The following TUNAR variants were observed in gnomAD, a reference collection of about 807,000 sequenced individuals.
The protein encoded by TUNAR is protein TUNAR.
chr14:95,924,726 G>A (rs932433630), exon 3 of TUNAR: 6 of 152,270 alleles, frequency 3.9e-5, no homozygotes, highest in South Asian at 4.2e-4. Flanking sequence ...ACCTGCCCCC[G>A]TGATTCAGTT....
chr14:95,881,616 G>A (rs1412866610), intron 2 of TUNAR, among the ~76,000 whole-genome samples: 10 of 152,192 alleles, frequency 6.6e-5, no homozygotes, highest in Non-Finnish European at 1.3e-4. Context: ...TCTGGGACTC[G>A]GGAGGAAATG....
At chr14:95,913,999 G>A (rs906931694) in intron 2 of TUNAR, among the ~76,000 whole-genome samples, 4 of 152,232 alleles carry the variant, frequency 2.6e-5, no homozygotes, top group African/African-American at 9.6e-5. Context: ...CCAAAGTGCT[G>A]GGATTACTGG....
intron 2 of TUNAR, among the ~76,000 whole-genome samples, chr14:95,884,531 C>A (rs1184322926): frequency 6.6e-6 from 1 of 152,218 alleles, no homozygotes; most frequent in African/African-American, 2.4e-5. Context: ...TCTGGGCCTG[C>A]CCACCACCAT....
At chr14:95,877,912 C>T (rs1284949068) in intron 2 of TUNAR, among the ~76,000 whole-genome samples, 3 of 152,206 alleles carry the variant, frequency 2.0e-5, no homozygotes, top group African/African-American at 7.2e-5. Flanking sequence ...TGTTCTCTTT[C>T]CTGGGGTTCT....
At chr14:95,923,474 A>G (rs1889732252) in exon 3 of TUNAR, 1 of 152,378 alleles carries the variant, frequency 6.6e-6, no homozygotes, top group South Asian at 2.1e-4. Flanking sequence ...CTGGGGAGAT[A>G]ACTTATTTTT....
intron 2 of TUNAR, among the ~76,000 whole-genome samples, chr14:95,902,747 T>C (rs1057462823): frequency 2.0e-5 from 3 of 152,180 alleles, no homozygotes; most frequent in Non-Finnish European, 4.4e-5. Context: ...CCTCTCAGCA[T>C]GGACCTTGGG....
intron 2 of TUNAR, among the ~76,000 whole-genome samples, chr14:95,888,642 A>G (rs996796964): frequency 6.6e-6 from 1 of 152,088 alleles, no homozygotes; most frequent in Non-Finnish European, 1.5e-5. Flanking sequence ...CATACTGCCT[A>G]CCTGTAGTCT....
At chr14:95,896,138 G>T (rs549939155) in intron 2 of TUNAR, among the ~76,000 whole-genome samples, 1 of 152,134 alleles carries the variant, frequency 6.6e-6, no homozygotes, top group Non-Finnish European at 1.5e-5. Context: ...CGGCCTTCTC[G>T]CTGGCCCCAC....
At chr14:95,880,842 G>A (rs990994808) in intron 2 of TUNAR, among the ~76,000 whole-genome samples, 1 of 152,132 alleles carries the variant, frequency 6.6e-6, no homozygotes, top group Non-Finnish European at 1.5e-5. Flanking sequence ...GATAGAGAGG[G>A]CATGAGAAAG....
At chr14:95,879,952 C>T (rs1888952968) in intron 2 of TUNAR, among the ~76,000 whole-genome samples, 1 of 152,310 alleles carries the variant, frequency 6.6e-6, no homozygotes, top group African/African-American at 2.4e-5. Flanking sequence ...AGCCTGAGTG[C>T]TGTGGCATTT....
intron 2 of TUNAR, among the ~76,000 whole-genome samples, chr14:95,882,554 G>A (rs1222068368): frequency 6.6e-6 from 1 of 152,188 alleles, no homozygotes; most frequent in African/African-American, 2.4e-5. Flanking sequence ...TAAGTCCTTC[G>A]TGGTGGCTAA....
At position 95,895,577 on chromosome 14, in the gene TUNAR, C is replaced by T. The variant is rs543677440; in HGVS notation, c.12+18400C>T. On this transcript the variant is annotated intron_variant, in intron 2 of 2. Coordinates refer to ENST00000678517, the Ensembl canonical transcript of TUNAR. The surrounding 1 kb of genome is among the most constrained non-coding windows in gnomAD (Gnocchi z 4.5). ...CGACGCATCCTCCAGGATCATGGTT[C>T]GCTCAGCCTCACATTGCTACAAAGT... Among the ~76,000 whole-genome samples, 2 of 152,136 alleles carry T rather than the reference C, an allele frequency of 1.3e-5. No individual in the cohort carries two copies. The highest frequency in any genetic ancestry group is 2.4e-5 in the African/African-American group (1 of 41,414).
chr14:95,896,176 C>T (rs763017582), intron 2 of TUNAR, among the ~76,000 whole-genome samples: 2 of 152,226 alleles, frequency 1.3e-5, no homozygotes, highest in African/African-American at 2.4e-5. Context: ...TGCACCTACC[C>T]ACCTGCTGCC....
At chr14:95,900,224 C>A (rs1473780506) in intron 2 of TUNAR, among the ~76,000 whole-genome samples, 8 of 152,202 alleles carry the variant, frequency 5.3e-5, no homozygotes, top group African/African-American at 1.9e-4. Flanking sequence ...CCCTCAAGGG[C>A]CCTGCAACTC....
chr14:95,914,509 C>T (rs1889570948), intron 2 of TUNAR, among the ~76,000 whole-genome samples: 1 of 152,134 alleles, frequency 6.6e-6, no homozygotes, highest in African/African-American at 2.4e-5. Flanking sequence ...AAAATCTTTC[C>T]CTTATGTTTT....
intron 2 of TUNAR, among the ~76,000 whole-genome samples, chr14:95,886,368 G>A (rs1245961679): frequency 6.6e-6 from 1 of 152,252 alleles, no homozygotes; most frequent in Non-Finnish European, 1.5e-5. Context: ...AAGGGAACAT[G>A]AAGAAGGGAA....
intron 2 of TUNAR, among the ~76,000 whole-genome samples, chr14:95,902,355 A>G (rs1435481023): frequency 2.0e-5 from 3 of 152,210 alleles, no homozygotes; most frequent in African/African-American, 4.8e-5. Context: ...GGAGGGATCC[A>G]TATGCAGAGA....
intron 2 of TUNAR, among the ~76,000 whole-genome samples, chr14:95,903,500 T>C (rs1889386572): frequency 6.6e-6 from 1 of 152,232 alleles, no homozygotes; most frequent in African/African-American, 2.4e-5. Context: ...TGAGCATTGT[T>C]CTGCTCGCAG....
chr14:95,911,516 T>C (rs1425010158), intron 2 of TUNAR, among the ~76,000 whole-genome samples: 1 of 152,244 alleles, frequency 6.6e-6, no homozygotes, highest in Non-Finnish European at 1.5e-5. Flanking sequence ...TGAGGTCTCT[T>C]CTTGGAAGGG....
Sources: gnomAD v4.1 joint callset for allele counts (sites outside exome capture counted in the v4.1 genomes callset) on GRCh38, gnomAD v4.1.1 for gene constraint, Gnocchi (gnomAD v3.1) non-coding constraint, MANE v1.5 for transcripts, NCBI Gene and HGNC (gene_info 2026-07-23, HGNC 2026-07-21) for gene names.